PCNT: variants seen among roughly 807,000 people sequenced by gnomAD.
PCNT encodes the protein pericentrin, also known as kendrin.
Under a neutral mutation model 380.4 loss-of-function variants are expected in PCNT, and 319 were observed. That is an observed-to-expected ratio of 0.84 (90% CI 0.77 to 0.92). PCNT has a LOEUF of 0.92. Ranked by LOEUF, PCNT falls within the 40% of genes least tolerant of loss-of-function variation. The pLI is 0.00. For missense variants in PCNT, 4,400 were observed against 4,255.3 expected (o/e 1.03, Z -0.95); for synonymous variants, 1,845 against 1,735.2 (o/e 1.06, Z -1.57).
chr21:46,324,804 C>T, intron 1 of PCNT: 4 of 856,202 alleles, frequency 4.7e-6, no homozygotes, highest in Non-Finnish European at 5.6e-6. Context: ...GGGCCGGGGG[C>T]GTGGCGCGGG....
intron 15 of PCNT, 40 bp downstream of exon 15, chr21:46,367,179 C>A: frequency 1.3e-6 from 2 of 1,544,352 alleles, no homozygotes; most frequent in Non-Finnish European, 8.9e-7. Context: ...GGGCAGGCCT[C>A]TCCTCGCTGC....
intron 40 of PCNT, among the ~76,000 whole-genome samples, chr21:46,437,816 A>G (rs1477984283): frequency 6.6e-6 from 1 of 152,224 alleles, no homozygotes; most frequent in African/African-American, 2.4e-5. Flanking sequence ...CACCCTCCAC[A>G]GGCTGAACGT....
chr21:46,417,049 C>T (rs1233570017), intron 30 of PCNT, among the ~76,000 whole-genome samples: 3 of 152,160 alleles, frequency 2.0e-5, no homozygotes, highest in Admixed American at 2.0e-4. Context: ...CATTTGCCTG[C>T]CTCAGACATA....
At chr21:46,414,961 C>T (rs2086965220) in intron 29 of PCNT, among the ~76,000 whole-genome samples, 1 of 152,222 alleles carries the variant, frequency 6.6e-6, no homozygotes, top group South Asian at 2.1e-4. Context: ...GCTCTGAAAC[C>T]CAGAGGCTCT....
intron 43 of PCNT, among the ~76,000 whole-genome samples, chr21:46,442,216 G>A (rs987143209): frequency 1.3e-5 from 2 of 152,158 alleles, no homozygotes; most frequent in African/African-American, 4.8e-5. Context: ...GGGCCATGGT[G>A]GGTGTCTAGG....
chr21:46,377,303 C>CG (rs1280882282), intron 15 of PCNT, among the ~76,000 whole-genome samples: 4 of 152,202 alleles, frequency 2.6e-5, no homozygotes, highest in African/African-American at 9.7e-5. Context: ...CAGCAGGTCC[C>CG]GGAGCAGCAG....
intron 28 of PCNT, among the ~76,000 whole-genome samples, chr21:46,412,626 C>T (rs904525611): frequency 2.6e-5 from 4 of 152,198 alleles, no homozygotes; most frequent in East Asian, 1.9e-4. Context: ...TCTGTGGGGT[C>T]GTCCTGGGTC....
At chr21:46,352,288 C>T (rs1382834823) in intron 9 of PCNT, among the ~76,000 whole-genome samples, 1 of 152,256 alleles carries the variant, frequency 6.6e-6, no homozygotes, top group East Asian at 1.9e-4. Context: ...GGGCACCAGG[C>T]CTGGCTCCGC....
chr21:46,391,467 C>T (rs2086031033), intron 21 of PCNT, 91 bp downstream of exon 21: 1 of 1,060,470 alleles, frequency 9.4e-7, no homozygotes, highest in Non-Finnish European at 1.4e-6. Flanking sequence ...CACTCAGTGT[C>T]TCTAGAGGGT....
Position 46,437,018 on chromosome 21 carries a change from G to A in PCNT, c.9036G>A (p.Val3012=), listed in dbSNP as rs750548514. 1.2e-6 allele frequency: 2 copies of A among 1,614,140 alleles called. No individual in the cohort carries two copies. Among genetic ancestry groups the A allele is most frequent in the Non-Finnish European group, 1.7e-6 (2 of 1,179,928 alleles). The change falls in exon 40 of 47, where the codon GTG becomes GTA. Residue 3012 remains valine (V), a synonymous_variant. Coordinates refer to ENST00000359568, the MANE Select transcript of PCNT (RefSeq NM_006031.6). ...GGACGTCATCCAATGAGAAAGCAGT[G>A]ATGTCTTTACTGCACACGTTGGAGG... ...NDWTSSNEKA[V]MSLLHTLEEL... is the part of the protein sequence containing the mutation.
intron 3 of PCNT, among the ~76,000 whole-genome samples, chr21:46,336,705 G>A (rs2083746776): frequency 6.6e-6 from 1 of 152,168 alleles, no homozygotes; most frequent in South Asian, 2.1e-4. Flanking sequence ...CTGGGATGTT[G>A]CTGCTGCTTC....
intron 15 of PCNT, among the ~76,000 whole-genome samples, chr21:46,379,252 G>A (rs768920894): frequency 3.6e-5 from 5 of 137,328 alleles, no homozygotes; most frequent in Non-Finnish European, 8.4e-5. Context: ...CGTGAGCTGC[G>A]CCCGTCTTCC....
chr21:46,346,655 TACTC>T (rs1321932116), intron 4 of PCNT, 84 bp from the exon 5 acceptor site: 1 of 1,462,676 alleles, frequency 6.8e-7, no homozygotes, highest in African/African-American at 1.4e-5. Flanking sequence ...GTGTCTTCCT[TACTC>T]ATTCTCATTC....
At chr21:46,347,088 G>A (rs2084096808) in intron 5 of PCNT, 90 bp downstream of exon 5, 21 of 1,456,686 alleles carry the variant, frequency 1.4e-5, no homozygotes, top group South Asian at 2.6e-5. Context: ...GAGCTGGGGC[G>A]CCCTAGCACC....
chr21:46,408,475 C>T (rs2086684592), intron 27 of PCNT, among the ~76,000 whole-genome samples: 1 of 152,192 alleles, frequency 6.6e-6, no homozygotes, highest in Non-Finnish European at 1.5e-5. Flanking sequence ...AAGAAACTGT[C>T]AAACTGTTTT....
At chr21:46,433,654 T>C (rs1413784108) in intron 38 of PCNT, among the ~76,000 whole-genome samples, 1 of 152,200 alleles carries the variant, frequency 6.6e-6, no homozygotes, top group African/African-American at 2.4e-5. Context: ...CCTTTAATTT[T>C]GATTGTTTCT....
rs374877034 is a variant in PCNT at position 46,363,665 on chromosome 21, C to G, written c.2340C>G (p.Ser780=). The G allele has an allele frequency of 1.9e-5, 30 of 1,614,078 alleles. No homozygotes were observed. In the South Asian group the frequency reaches 3.3e-4, roughly 18 times the overall value. ...TTGAACTGAGAGAAAAGGCTGAATC[C>G]GAGAAACAGACCATCATAAACAAGT... ...MLLELREKAE[S]EKQTIINKFE... is the part of the protein sequence containing the mutation. Residue 780 remains serine, a synonymous_variant, in exon 14 of 47, where the codon TCC becomes TCG. Coordinates refer to ENST00000359568, the MANE Select transcript of PCNT (RefSeq NM_006031.6).
In PCNT at chr21:46,360,412, A is replaced by G. The variant is rs188200474; in HGVS notation, c.2155-3068A>G. Reference sequence around the variant, plus strand: ...CTAGTTTTTTTTTTACATTTTTAGTAGAGATGAGGTTTCACCGTGTTAGGA... The same window carrying G: ...CTAGTTTTTTTTTTACATTTTTAGTGGAGATGAGGTTTCACCGTGTTAGGA... On this transcript the variant is annotated intron_variant, in intron 13 of 46. Transcript: ENST00000359568. 1.7e-4 allele frequency among the ~76,000 whole-genome samples: 24 copies of G among 140,146 alleles called. No homozygotes were observed. The East Asian group carries it at 2.7e-3, about 16-fold the overall frequency. 91.9% of individuals were successfully genotyped at this position (140,146 alleles called of 152,430 possible).
Position 46,389,325 on chromosome 21 carries a change from G to A in PCNT, c.3734G>A (p.Ser1245Asn). The change falls in exon 19 of 47, where the codon AGC becomes AAC. Residue 1245 changes from serine (S) to asparagine (N), a missense_variant. By Grantham distance (46) the Ser-to-Asn change is conservative. Transcript: ENST00000359568. The stretch of plus-strand genomic sequence containing the variant: ...CACATGCGTGAAAGCTTTCTCATGA[G>A]CCCAGAAAGTGTGCGGGAGTGTGAG... ...SSHMRESFLMSPESVRECEQP... is the reference protein window; with the variant it reads ...SSHMRESFLMNPESVRECEQP... The A allele has an allele frequency of 6.2e-7, 1 of 1,614,248 alleles. No individual in the cohort carries two copies. Among genetic ancestry groups the A allele is most frequent in the Non-Finnish European group, 8.5e-7 (1 of 1,180,042 alleles).
Sources: gnomAD v4.1 joint callset for allele counts (sites outside exome capture counted in the v4.1 genomes callset) on GRCh38, gnomAD v4.1.1 for gene constraint, MANE v1.5 for transcripts, NCBI Gene and HGNC (gene_info 2026-07-23, HGNC 2026-07-21) for gene names.